The following TDRD6 variants were observed in gnomAD, a reference collection of about 807,000 sequenced individuals.
The protein encoded by TDRD6 is tudor domain containing 6.
A neutral mutation model predicts 157.5 loss-of-function variants in TDRD6; 186 were observed. The observed-to-expected ratio is 1.18, with a 90% CI of 1.05 to 1.33. The LOEUF is 1.33. Ranked by LOEUF, TDRD6 falls within the 40% of genes most tolerant of loss-of-function variation. The probability of loss-of-function intolerance (pLI) is 0.00; values close to 1 mark genes in which losing one functional copy is unlikely to be tolerated. For synonymous variants in TDRD6, 1,075 were observed against 945.2 expected (o/e 1.14, Z -2.52); for missense variants, 3,066 against 2,508.0 (o/e 1.22, Z -4.75).
chr6:46,701,560 G>GA (rs1222507367), intron 3 of TDRD6, among the ~76,000 whole-genome samples: 1 of 151,436 alleles, frequency 6.6e-6, no homozygotes, highest in Non-Finnish European at 1.5e-5. Flanking sequence ...AATCAAAAAG[G>GA]AAAAAGAACT....
chr6:46,688,336 G>GGCGAGCTGTGCCTGGTGC lies in TDRD6; in HGVS notation c.209_226dup (p.Val75_Gln76insArgGluLeuCysLeuVal). 1.3e-6 allele frequency: 2 copies of GGCGAGCTGTGCCTGGTGC among 1,526,874 alleles called. No homozygotes were observed. The highest frequency in any genetic ancestry group is 1.8e-6 in the Non-Finnish European group (2 of 1,141,734). The allele number at this position is 1,526,874 out of a possible 1,614,324, so 94.6% of individuals were successfully genotyped here. A position where few individuals can be genotyped will look rare whatever the true frequency, so the allele number is the denominator to read the frequency against. ...GCTGGGCAGCGCCTCGGCCTCGCCC[G>GGCGAGCTGTGCCTGGTGC]GCGAGCTGTGCCTGGTGCAGGTCGG... On this transcript the variant is annotated inframe_insertion, in exon 1 of 4. Transcript: ENST00000316081.
rs1197709202 is a variant in TDRD6 at position 46,692,040 on chromosome 6, A to G, written c.3912A>G (p.Gly1304=). The G allele has an allele frequency of 3.7e-5, 59 of 1,613,264 alleles. No homozygotes were observed. The highest frequency in any genetic ancestry group is 4.7e-5 in the Non-Finnish European group (55 of 1,179,820). ...TCCCACAGAAGACTATAATGCCTGG[A>G]TTTAAAACAACTGTATATGTTTCTC... ...CEFPQKTIMP[G]FKTTVYVSHI... The change falls in exon 1 of 4, where the codon GGA becomes GGG. Residue 1304 remains glycine (G), a synonymous_variant. Coordinates refer to ENST00000316081, the MANE Select transcript of TDRD6 (RefSeq NM_001010870.3).
rs1764294527 is a variant in TDRD6 at position 46,690,906 on chromosome 6, T to C, written c.2778T>C (p.Ala926=). 3 of 1,614,126 alleles carry C rather than the reference T, an allele frequency of 1.9e-6. No homozygotes were observed. The highest frequency in any genetic ancestry group is 2.5e-6 in the Non-Finnish European group (3 of 1,179,998). ...KNLELKCTIF[A]LASINEELFN... ...TAGAATTAAAATGTACAATATTTGC[T>C]CTGGCTTCAATTAATGAAGAACTGT... is the stretch of plus-strand genomic sequence containing the variant. Residue 926 remains alanine, a synonymous_variant, in exon 1 of 4, where the codon GCT becomes GCC. Transcript: ENST00000316081.
Position 46,693,297 on chromosome 6 carries a change from C to T in TDRD6, c.5169C>T (p.Tyr1723=). 6.2e-7 allele frequency: 1 copy of T among 1,611,454 alleles called. No homozygotes were observed. The highest frequency in any genetic ancestry group is 8.5e-7 in the Non-Finnish European group (1 of 1,179,370). Residue 1723 remains tyrosine (Y), a synonymous_variant, in exon 1 of 4, where the codon TAC becomes TAT. Coordinates refer to ENST00000316081, the MANE Select transcript of TDRD6 (RefSeq NM_001010870.3). ...DSEIKQTLGS[Y]NLDVGLKKLS... ...AGATAAAGCAGACTCTTGGGTCCTA[C>T]AATCTTGATGTAGGACTTAAGAAAT...
chr6:46,683,213 G>A (rs1165660182), upstream of TDRD6, among the ~76,000 whole-genome samples: 1 of 151,902 alleles, frequency 6.6e-6, no homozygotes, highest in African/African-American at 2.4e-5. Flanking sequence ...AACTTAACTG[G>A]AAAGTATAGT....
chr6:46,692,603 T>C lies in TDRD6; in HGVS notation c.4475T>C (p.Ile1492Thr), dbSNP rs775340913. ...KSQVELSTQV[I>T]KSASSKSVNK... ...CAAGTAGAACTTTCTACCCAAGTAATTAAAAGTGCCAGTTCAAAGTCTGTT... is the reference window on the plus strand; with the variant it reads ...CAAGTAGAACTTTCTACCCAAGTAACTAAAAGTGCCAGTTCAAAGTCTGTT... Residue 1492 changes from isoleucine to threonine, a missense_variant, in exon 1 of 4, where the codon ATT becomes ACT. Coordinates refer to ENST00000316081, the MANE Select transcript of TDRD6 (RefSeq NM_001010870.3). The C allele has an allele frequency of 6.2e-7, 1 of 1,613,660 alleles. No individual in the cohort carries two copies. The highest frequency in any genetic ancestry group is 8.5e-7 in the Non-Finnish European group (1 of 1,179,814).
At position 46,693,438 on chromosome 6, in the gene TDRD6, C is replaced by G; in HGVS notation, c.5310C>G (p.Asp1770Glu). The G allele has an allele frequency of 6.2e-7, 1 of 1,613,966 alleles. No individual in the cohort carries two copies. The highest frequency in any genetic ancestry group is 1.3e-5 in the African/African-American group (1 of 74,992). ...IIGTKPSNFR[D>E]PKTDNICEGF... The stretch of plus-strand genomic sequence containing the variant: ...GAACCAAACCAAGTAACTTCCGTGA[C>G]CCTAAAACTGATAACATTTGTGAAG... Residue 1770 changes from aspartate (D) to glutamate (E), a missense_variant, in exon 1 of 4, where the codon GAC (aspartate) becomes GAG (glutamate). Physicochemically the swap from Asp to Glu is conservative, Grantham distance 45 (BLOSUM62 2). Transcript: ENST00000316081.
upstream of TDRD6, among the ~76,000 whole-genome samples, chr6:46,685,095 G>A (rs528540615): frequency 8.8e-4 from 131 of 148,304 alleles, 3 homozygotes; most frequent in African/African-American, 2.6e-3. Flanking sequence ...ATCCTCCTCC[G>A]TGAAATGCCA....
rs770489734 is a variant in TDRD6 at position 46,690,505 on chromosome 6, A to G, written c.2377A>G (p.Arg793Gly). The G allele has an allele frequency of 1.2e-6, 2 of 1,614,192 alleles. No homozygotes were observed. The highest frequency in any genetic ancestry group is 2.2e-5 in the East Asian group (1 of 44,878). Residue 793 changes from arginine (R) to glycine (G), a missense_variant, in exon 1 of 4, where the codon AGG becomes GGG. Coordinates refer to ENST00000316081, the MANE Select transcript of TDRD6 (RefSeq NM_001010870.3). ...TGGCTATTTCTGGTGTCAGCTGACCAGGAACATACAAGGACTTAAAACTCT... is the reference window on the plus strand; with the variant it reads ...TGGCTATTTCTGGTGTCAGCTGACCGGGAACATACAAGGACTTAAAACTCT... The part of the protein sequence containing the change: ...NPGYFWCQLT[R>G]NIQGLKTLMS...
rs576798208 is a variant in TDRD6, at chr6:46,699,934, C to T, written c.6261+1847C>T. Among the ~76,000 whole-genome samples, 39 of 152,222 alleles carry T rather than the reference C, an allele frequency of 2.6e-4. No homozygotes were observed. In the South Asian group the frequency reaches 7.1e-3, roughly 28 times the overall value. The stretch of plus-strand genomic sequence containing the variant: ...ACTAGTGAGCCATAATGTATTAAAC[C>T]ATTTCCCATAGTGTTGGATATTTAG... On this transcript the variant is annotated intron_variant, in intron 3 of 3. Transcript: ENST00000316081.
chr6:46,693,106 G>T lies in TDRD6; in HGVS notation c.4978G>T (p.Glu1660Ter). Residue 1660 changes from glutamate to a stop codon, truncating the protein, a stop_gained, in exon 1 of 4, where the codon GAA (glutamate) becomes TAA (stop). Transcript: ENST00000316081. LOFTEE classifies it high-confidence loss of function. ...TGACTATTTCTATGAAATAATAACA[G>T]AAGATGTGTTGGAAATAACAATACT... ...GNDYFYEIIT[E>*]DVLEITILEI... 2 of 1,613,624 alleles carry T rather than the reference G, an allele frequency of 1.2e-6. No individual in the cohort carries two copies. The highest frequency in any genetic ancestry group is 1.7e-6 in the Non-Finnish European group (2 of 1,179,852).
In TDRD6 at chr6:46,692,206, T is replaced by G. The variant is rs146138219; in HGVS notation, c.4078T>G (p.Cys1360Gly). 1 of 1,614,166 alleles carries G rather than the reference T, an allele frequency of 6.2e-7. No homozygotes were observed. Among genetic ancestry groups the G allele is most frequent in the Non-Finnish European group, 8.5e-7 (1 of 1,179,998 alleles). Residue 1360 changes from cysteine to glycine, a missense_variant, in exon 1 of 4, where the codon TGT becomes GGT. Transcript: ENST00000316081. ...GPPLQRGDMI[C>G]AVFPEDNLWY... is the part of the protein sequence containing the mutation. ...ACCTTTGCAAAGAGGAGATATGATA[T>G]GTGCTGTTTTCCCAGAAGATAATTT...
intron 3 of TDRD6, chr6:46,701,082 C>A: frequency 2.4e-6 from 1 of 413,242 alleles, no homozygotes; most frequent in Non-Finnish European, 4.9e-6. Flanking sequence ...GTTTTTAAAA[C>A]AAAATACTTT....
In TDRD6 at chr6:46,693,394, A is replaced by C. The variant is rs759547688; in HGVS notation, c.5266A>C (p.Lys1756Gln). Residue 1756 changes from lysine (K) to glutamine (Q), a missense_variant, in exon 1 of 4, where the codon AAA becomes CAA. Transcript: ENST00000316081. Reference protein sequence around the residue: ...QTDELAEITEKDVNIIGTKPS... With the variant: ...QTDELAEITEQDVNIIGTKPS... ...AGATGAGCTTGCTGAAATAACTGAA[A>C]AAGATGTAAACATTATTGGAACCAA... 8.7e-6 allele frequency: 14 copies of C among 1,613,190 alleles called. No homozygotes were observed. The East Asian group carries it at 3.1e-4, about 36-fold the overall frequency.
upstream of TDRD6, among the ~76,000 whole-genome samples, chr6:46,684,365 T>TTGTGTGTGTGTG (rs56327636): frequency 1.4e-5 from 2 of 147,092 alleles, no homozygotes; most frequent in African/African-American, 2.5e-5. Flanking sequence ...AAGCACACAT[T>TTGTGTGTGTGTG]TGTGTGTGTG....
chr6:46,701,928 C>T lies in TDRD6; in HGVS notation c.*41C>T, dbSNP rs1435607929. ...TGTGGCCAATCAGTCAGAAGCTGCC[C>T]TTGAACAAGTGGCATCTTACGCAGA... On this transcript the variant is annotated 3_prime_UTR_variant, in exon 4 of 4. Transcript: ENST00000316081. 2 of 1,604,594 alleles carry T rather than the reference C, an allele frequency of 1.2e-6. No homozygotes were observed. The highest frequency in any genetic ancestry group is 1.7e-6 in the Non-Finnish European group (2 of 1,172,778).
rs199823660 is a variant in TDRD6 at position 46,691,019 on chromosome 6, A to G, written c.2891A>G (p.Lys964Arg). 5.8e-5 allele frequency: 93 copies of G among 1,613,512 alleles called. No individual in the cohort carries two copies. Among genetic ancestry groups the G allele is most frequent in the Non-Finnish European group, 1.1e-5 (13 of 1,179,884 alleles). The change falls in exon 1 of 4, where the codon AAG becomes AGG. Residue 964 changes from lysine (K) to arginine (R), a missense_variant. Lys to Arg is a conservative substitution (Grantham distance 26, BLOSUM62 2). Transcript: ENST00000316081. ...KRLARPVKLQKPLESSVQLHS... is the reference protein window; with the variant it reads ...KRLARPVKLQRPLESSVQLHS... Reference sequence around the variant, plus strand: ...CTTGCAAGACCAGTAAAACTTCAGAAGCCTTTGGAGTCCTCTGTTCAGCTA... The same window carrying G: ...CTTGCAAGACCAGTAAAACTTCAGAGGCCTTTGGAGTCCTCTGTTCAGCTA...
Position 46,688,201 on chromosome 6 carries a change from C to T in TDRD6, c.73C>T (p.Pro25Ser). 1 of 1,546,992 alleles carries T rather than the reference C, an allele frequency of 6.5e-7. No homozygotes were observed. Among genetic ancestry groups the T allele is most frequent in the Non-Finnish European group, 8.7e-7 (1 of 1,152,614 alleles). The change falls in exon 1 of 4, where the codon CCC becomes TCC. Residue 25 changes from proline to serine, a missense_variant. Physicochemically the swap from Pro to Ser is moderately conservative, Grantham distance 74. Coordinates refer to ENST00000316081, the MANE Select transcript of TDRD6 (RefSeq NM_001010870.3). Reference protein sequence around the residue: ...ALRVSFVDVHPDVIPVQLWGL... With the variant: ...ALRVSFVDVHSDVIPVQLWGL... ...GCGGGTGTCCTTCGTGGACGTGCAT[C>T]CCGATGTGATCCCGGTGCAGCTGTG...
At position 46,690,271 on chromosome 6, in the gene TDRD6, A is replaced by G. The variant is rs879021064; in HGVS notation, c.2143A>G (p.Lys715Glu). The G allele has an allele frequency of 1.2e-6, 2 of 1,613,766 alleles. No individual in the cohort carries two copies. The highest frequency in any genetic ancestry group is 1.1e-5 in the South Asian group (1 of 91,076). ...AGAGCAGAAAGCCAAGAGAGAGAAT[A>G]AAACCACATCTGTTTCAAAAGCTTT... ...EGEQKAKREN[K>E]TTSVSKALSD... The change falls in exon 1 of 4, where the codon AAA (lysine) becomes GAA (glutamate). Residue 715 changes from lysine (K) to glutamate (E), a missense_variant. Lys to Glu is a moderately conservative substitution (Grantham distance 56). Coordinates refer to ENST00000316081, the MANE Select transcript of TDRD6 (RefSeq NM_001010870.3).
Sources: gnomAD v4.1 joint callset for allele counts (sites outside exome capture counted in the v4.1 genomes callset) on GRCh38, gnomAD v4.1.1 for gene constraint, MANE v1.5 for transcripts, NCBI Gene and HGNC (gene_info 2026-07-23, HGNC 2026-07-21) for gene names.